CDH8: variants seen among roughly 807,000 people sequenced by gnomAD.
The protein encoded by CDH8 is cadherin-8.
A neutral mutation model predicts 68.1 loss-of-function variants in CDH8; 17 were observed. That is an observed-to-expected ratio of 0.25 (90% CI 0.17 to 0.37). The LOEUF (loss-of-function observed/expected upper bound fraction) is 0.37. CDH8 is among the 10% of genes least tolerant of loss of function. CDH8 has a pLI of 1.00. For synonymous variants in CDH8, 372 were observed against 365.1 expected, an observed-to-expected ratio of 1.02 and a Z score of -0.21; for missense variants, 763 against 999.3, an observed-to-expected ratio of 0.76 and a Z score of 3.19.
chr16:61,779,403 T>A (rs1960984415), intron 8 of CDH8, among the ~76,000 whole-genome samples: 2 of 149,724 alleles, frequency 1.3e-5, no homozygotes, highest in African/African-American at 2.5e-5. Flanking sequence ...TTTGCAGTAT[T>A]GTCAAATTTT....
chr16:61,734,507 G>A (rs1485263984), intron 8 of CDH8, among the ~76,000 whole-genome samples: 1 of 152,068 alleles, frequency 6.6e-6, no homozygotes, highest in Non-Finnish European at 1.5e-5. Context: ...TACTGGCCAT[G>A]CCTGTGCCTA....
At chr16:61,685,955 T>C (rs1964097883) in intron 10 of CDH8, among the ~76,000 whole-genome samples, 1 of 152,016 alleles carries the variant, frequency 6.6e-6, no homozygotes, top group East Asian at 1.9e-4. Context: ...GGAGTCTTTG[T>C]CTTAAATAAC....
chr16:61,706,620 C>CAAAAAAAAAAA (rs781148249), intron 10 of CDH8, among the ~76,000 whole-genome samples: 34 of 60,378 alleles, frequency 5.6e-4, no homozygotes, highest in South Asian at 1.2e-3. Context: ...GACTCTGTCT[C>CAAAAAAAAAAA]AAAAAAAAAA....
At chr16:61,672,444 C>T (rs545351452) in intron 10 of CDH8, among the ~76,000 whole-genome samples, 100 of 152,038 alleles carry the variant, frequency 6.6e-4, no homozygotes, top group Non-Finnish European at 1.1e-3. Context: ...CAAGGTAATA[C>T]CAGATATTTT....
chr16:61,795,759 G>A (rs543951557), intron 7 of CDH8, among the ~76,000 whole-genome samples: 1 of 151,972 alleles, frequency 6.6e-6, no homozygotes, highest in African/African-American at 2.4e-5. Flanking sequence ...CAAACTCTTC[G>A]TGGTGTTTGT....
chr16:61,706,130 C>T (rs1335274793), intron 10 of CDH8, among the ~76,000 whole-genome samples: 1 of 152,196 alleles, frequency 6.6e-6, no homozygotes, highest in Non-Finnish European at 1.5e-5. Flanking sequence ...TTTGCCTTAG[C>T]AGTTACCACC....
intron 8 of CDH8, among the ~76,000 whole-genome samples, chr16:61,775,152 C>T (rs972594998): frequency 3.4e-4 from 51 of 151,972 alleles, no homozygotes; most frequent in African/African-American, 1.2e-3. Context: ...TTGCTTGAGG[C>T]CAGGAGTTAG....
At chr16:61,856,030 G>A (rs1963039806) in intron 4 of CDH8, among the ~76,000 whole-genome samples, 1 of 152,006 alleles carries the variant, frequency 6.6e-6, no homozygotes, top group Non-Finnish European at 1.5e-5. Context: ...ATATATAAAT[G>A]TACTTTTCCT....
chr16:61,796,178 AAG>A (rs951090368), intron 7 of CDH8, among the ~76,000 whole-genome samples: 3 of 152,050 alleles, frequency 2.0e-5, no homozygotes, highest in Non-Finnish European at 2.9e-5. Flanking sequence ...GGGAATAGAT[AAG>A]AGAGAAAAAG....
At chr16:61,871,016 A>G (rs1221589757) in intron 3 of CDH8, among the ~76,000 whole-genome samples, 2 of 152,004 alleles carry the variant, frequency 1.3e-5, no homozygotes, top group Non-Finnish European at 1.5e-5. Flanking sequence ...ATAAATAGGT[A>G]CTCGATAAAT....
intron 4 of CDH8, among the ~76,000 whole-genome samples, chr16:61,835,613 C>A (rs1962552998): frequency 6.6e-6 from 1 of 151,882 alleles, no homozygotes; most frequent in Non-Finnish European, 1.5e-5. Context: ...CCAATTATTC[C>A]TATTCAGAAT....
intron 10 of CDH8, among the ~76,000 whole-genome samples, chr16:61,662,211 A>G (rs1963580369): frequency 6.6e-6 from 1 of 151,298 alleles, no homozygotes; most frequent in African/African-American, 2.4e-5. Flanking sequence ...CTTGGCTTCA[A>G]TTTTACTCAT....
At chr16:61,820,831 G>A (rs1443215714) in intron 6 of CDH8, 95 bp downstream of exon 6, 3 of 1,007,748 alleles carry the variant, frequency 3.0e-6, no homozygotes. Flanking sequence ...TACCAGCTGT[G>A]CAATTCTGCC....
chr16:61,714,131 C>A (rs764348332), intron 9 of CDH8, 173 bp from the exon 10 acceptor site: 4 of 598,220 alleles, frequency 6.7e-6, no homozygotes, highest in Non-Finnish European at 1.2e-5. Context: ...AAATCCATTA[C>A]TTTAAAACCT....
intron 8 of CDH8, among the ~76,000 whole-genome samples, chr16:61,752,067 T>G (rs190291127): frequency 1.8e-3 from 281 of 152,100 alleles, no homozygotes; most frequent in Non-Finnish European, 3.4e-3. Context: ...GGGGGAAGAG[T>G]TCATGAACAT....
chr16:61,816,837 C>T (rs1483807073), intron 7 of CDH8, among the ~76,000 whole-genome samples: 1 of 151,912 alleles, frequency 6.6e-6, no homozygotes, highest in African/African-American at 2.4e-5. Flanking sequence ...TATTTCGCAT[C>T]CTGGGGAAAA....
intron 7 of CDH8, among the ~76,000 whole-genome samples, chr16:61,811,741 T>C (rs1281905242): frequency 6.6e-6 from 1 of 152,258 alleles, no homozygotes; most frequent in African/African-American, 2.4e-5. Context: ...GATCCTGCAA[T>C]ACGCAACAAC....
At chr16:61,984,248 A>C (rs1246027199) in intron 2 of CDH8, among the ~76,000 whole-genome samples, 1 of 152,122 alleles carries the variant, frequency 6.6e-6, no homozygotes, top group Non-Finnish European at 1.5e-5. Flanking sequence ...TAACCCTATC[A>C]TGGGGGCTCC....
chr16:61,680,793 T>C (rs542535976), intron 10 of CDH8, among the ~76,000 whole-genome samples: 21 of 151,942 alleles, frequency 1.4e-4, no homozygotes, highest in Non-Finnish European at 2.7e-4. Context: ...TTGCTTATTA[T>C]CCTTTGTAGA....
Sources: gnomAD v4.1 joint callset for allele counts (sites outside exome capture counted in the v4.1 genomes callset) on GRCh38, gnomAD v4.1.1 for gene constraint, MANE v1.5 for transcripts, NCBI Gene and HGNC (gene_info 2026-07-23, HGNC 2026-07-21) for gene names.